UNC5D: variants seen among roughly 807,000 people sequenced by gnomAD.
The protein encoded by UNC5D is netrin receptor UNC5D.
A neutral mutation model predicts 105.4 loss-of-function variants in UNC5D; 39 were observed. The observed-to-expected ratio is 0.37, with a 90% CI of 0.29 to 0.48. The LOEUF is 0.48. Among genes scored for constraint, UNC5D ranks in the 20% least tolerant of loss-of-function variants. UNC5D has a pLI of 0.98. For missense variants in UNC5D, 991 were observed against 1,202.4 expected (o/e 0.82, Z 2.60); for synonymous variants, 452 against 450.4 (o/e 1.00, Z -0.04).
At chr8:35,396,686 C>T (rs1025981102) in intron 1 of UNC5D, among the ~76,000 whole-genome samples, 2 of 151,798 alleles carry the variant, frequency 1.3e-5, no homozygotes, top group African/African-American at 2.4e-5. Flanking sequence ...TCAGTAGAGA[C>T]GGGGTTTCAC....
intron 1 of UNC5D, among the ~76,000 whole-genome samples, chr8:35,335,144 T>C (rs1810927757): frequency 6.6e-6 from 1 of 152,248 alleles, no homozygotes; most frequent in African/African-American, 2.4e-5. Flanking sequence ...CTGAATAGTA[T>C]ATATTGTATA....
intron 3 of UNC5D, among the ~76,000 whole-genome samples, chr8:35,575,359 G>A (rs1818018593): frequency 6.6e-6 from 1 of 152,130 alleles, no homozygotes; most frequent in Non-Finnish European, 1.5e-5. Flanking sequence ...GTTAGCTGTA[G>A]GTCATGATTG....
chr8:35,604,989 A>C (rs1820182050), intron 4 of UNC5D, among the ~76,000 whole-genome samples: 1 of 151,924 alleles, frequency 6.6e-6, no homozygotes, highest in African/African-American at 2.4e-5. Flanking sequence ...ATTGGTTCAA[A>C]CTTCCTCCTT....
At chr8:35,440,095 ACT>A in intron 1 of UNC5D, among the ~76,000 whole-genome samples, 1 of 152,024 alleles carries the variant, frequency 6.6e-6, no homozygotes, top group East Asian at 1.9e-4. Context: ...CTCAAGTTCA[ACT>A]CTATCACGCT....
At chr8:35,730,947 C>T (rs140976207) in intron 10 of UNC5D, 65 bp from the exon 11 acceptor site, 60 of 1,473,480 alleles carry the variant, frequency 4.1e-5, no homozygotes, top group Admixed American at 1.9e-4. Context: ...GTAAGGTGCT[C>T]GAGTGACAAA....
At chr8:35,604,577 T>C (rs187774287) in intron 4 of UNC5D, among the ~76,000 whole-genome samples, 13,872 of 152,152 alleles carry the variant, frequency 0.091, 658 homozygotes, top group Middle Eastern at 0.11. Flanking sequence ...TTTCCTGAAT[T>C]TGAATGTTGG....
intron 4 of UNC5D, among the ~76,000 whole-genome samples, chr8:35,624,774 C>T (rs1315452338): frequency 6.6e-6 from 1 of 152,118 alleles, no homozygotes; most frequent in Admixed American, 6.5e-5. Flanking sequence ...TAACCGGGGG[C>T]GTCTTACAAC....
intron 1 of UNC5D, among the ~76,000 whole-genome samples, chr8:35,454,131 A>C (rs529911376): frequency 6.6e-6 from 1 of 152,246 alleles, no homozygotes; most frequent in East Asian, 1.9e-4. Flanking sequence ...CTTTTGCCTC[A>C]GTGACTTCAT....
In UNC5D at chr8:35,336,398, A is replaced by G. The variant is rs1003872899; in HGVS notation, c.103+100511A>G. ...TTCCTTAACCATTCTGGCACTCCCTACAACCGAAACATTGGGTGGAAATCA... is the reference window on the plus strand; with the variant it reads ...TTCCTTAACCATTCTGGCACTCCCTGCAACCGAAACATTGGGTGGAAATCA... On this transcript the variant is annotated intron_variant, in intron 1 of 16. Coordinates refer to ENST00000404895, the MANE Select transcript of UNC5D (RefSeq NM_080872.4). Among the ~76,000 whole-genome samples the G allele has an allele frequency of 5.3e-5, 8 of 152,166 alleles. No individual in the cohort carries two copies. In the East Asian group the frequency reaches 1.2e-3, roughly 22 times the overall value.
chr8:35,391,090 A>G (rs1803742160), intron 1 of UNC5D, among the ~76,000 whole-genome samples: 1 of 152,256 alleles, frequency 6.6e-6, no homozygotes, highest in African/African-American at 2.4e-5. Context: ...AGAGATGCAT[A>G]AAGAATGTTA....
intron 1 of UNC5D, among the ~76,000 whole-genome samples, chr8:35,260,695 C>A (rs1804429567): frequency 6.6e-6 from 1 of 152,158 alleles, no homozygotes; most frequent in African/African-American, 2.4e-5. Flanking sequence ...AACTCCTGAG[C>A]TCAGGGAATC....
At chr8:35,347,361 T>A (rs182677768) in intron 1 of UNC5D, among the ~76,000 whole-genome samples, 1 of 152,136 alleles carries the variant, frequency 6.6e-6, no homozygotes, top group East Asian at 1.9e-4. Context: ...TTTTGAGGAT[T>A]TTGCTTACAT....
intron 1 of UNC5D, among the ~76,000 whole-genome samples, chr8:35,331,983 G>A (rs1361943564): frequency 2.0e-5 from 3 of 152,200 alleles, no homozygotes. Context: ...GTTTTCTCTT[G>A]CTGGAAGGTA....
At chr8:35,493,994 G>A (rs1811379670) in intron 1 of UNC5D, among the ~76,000 whole-genome samples, 1 of 151,952 alleles carries the variant, frequency 6.6e-6, no homozygotes, top group Non-Finnish European at 1.5e-5. Flanking sequence ...ACCGGGAGAG[G>A]ACTTAAGCAA....
chr8:35,752,641 C>T (rs116534845), intron 13 of UNC5D, among the ~76,000 whole-genome samples: 6,563 of 152,188 alleles, frequency 0.043, 354 homozygotes, highest in African/African-American at 0.12. Flanking sequence ...TCTTCCTCTG[C>T]ACTCCCCACC....
chr8:35,358,768 G>A (rs944065990), intron 1 of UNC5D, among the ~76,000 whole-genome samples: 1 of 151,956 alleles, frequency 6.6e-6, no homozygotes, highest in East Asian at 1.9e-4. Context: ...AGACATTCTT[G>A]TATTTCTGAG....
intron 3 of UNC5D, among the ~76,000 whole-genome samples, chr8:35,580,786 G>A (rs1001674991): frequency 2.6e-5 from 4 of 152,160 alleles, no homozygotes; most frequent in African/African-American, 9.6e-5. Flanking sequence ...CAGAGATGAT[G>A]TAGTCAACTC....
intron 2 of UNC5D, among the ~76,000 whole-genome samples, chr8:35,552,803 C>T (rs975136400): frequency 1.3e-5 from 2 of 152,094 alleles, no homozygotes; most frequent in Non-Finnish European, 2.9e-5. Context: ...GAGTCAGAGA[C>T]AACAGCAGTC....
At chr8:35,473,122 C>T (rs1000386226) in intron 1 of UNC5D, among the ~76,000 whole-genome samples, 15 of 152,076 alleles carry the variant, frequency 9.9e-5, no homozygotes, top group African/African-American at 3.4e-4. Flanking sequence ...AGCAAATGAG[C>T]CAATGACCTC....
Sources: allele counts gnomAD v4.1 joint callset (sites outside exome capture counted in the v4.1 genomes callset), GRCh38; gene constraint gnomAD v4.1.1; transcripts MANE v1.5; gene names NCBI Gene and HGNC (gene_info 2026-07-23, HGNC 2026-07-21).